The following MTRF1 variants were observed in gnomAD, a reference collection of about 807,000 sequenced individuals.
The protein encoded by MTRF1 is peptide chain release factor 1, mitochondrial.
MTRF1 carries 51 observed loss-of-function variants against 62.9 expected under a neutral mutation model. The observed-to-expected ratio is 0.81, with a 90% CI of 0.65 to 1.02. The LOEUF (loss-of-function observed/expected upper bound fraction) is 1.02, where lower values mean the gene tolerates loss of function less well. Among genes scored for constraint, MTRF1 ranks in the 50% least tolerant of loss-of-function variants. The probability of loss-of-function intolerance (pLI) is 0.00; values close to 1 mark genes in which losing one functional copy is unlikely to be tolerated. For missense variants in MTRF1, 446 were observed against 530.0 expected (o/e 0.84, Z 1.56); for synonymous variants, 158 against 181.9 (o/e 0.87, Z 1.06).
intron 2 of MTRF1, among the ~76,000 whole-genome samples, chr13:41,256,395 C>T (rs1415419295): frequency 1.3e-5 from 2 of 150,362 alleles, no homozygotes; most frequent in African/African-American, 4.9e-5. Context: ...GGTGTGATCT[C>T]GACTCATTGC....
At chr13:41,260,977 A>C in intron 1 of MTRF1, 62 bp from the exon 2 acceptor site, 2 of 1,383,856 alleles carry the variant, frequency 1.4e-6, no homozygotes, top group Non-Finnish European at 9.7e-7. Context: ...TGCATAATAA[A>C]CCTGGAAGGA....
upstream of MTRF1, chr13:41,263,658 T>A (rs1594096561): frequency 5.9e-6 from 1 of 168,936 alleles, no homozygotes; most frequent in Non-Finnish European, 1.3e-5. Flanking sequence ...GGAGGAGTTG[T>A]CCTCGAGCAT....
intron 9 of MTRF1, among the ~76,000 whole-genome samples, chr13:41,218,276 A>G (rs936515823): frequency 1.4e-5 from 2 of 140,908 alleles, no homozygotes; most frequent in South Asian, 2.2e-4. Context: ...CTACACACCC[A>G]GCTAATTTTT....
the MTRF1 span, among the ~76,000 whole-genome samples, chr13:41,308,059 TC>T: frequency 6.6e-6 from 1 of 152,196 alleles, no homozygotes; most frequent in African/African-American, 2.4e-5. Flanking sequence ...TGGCAGTGGG[TC>T]GGAGGCTGCA....
intron 6 of MTRF1, among the ~76,000 whole-genome samples, chr13:41,237,330 A>G (rs2036810904): frequency 6.6e-6 from 1 of 151,912 alleles, no homozygotes; most frequent in East Asian, 1.9e-4. Flanking sequence ...TTTTTTAACC[A>G]TGTAAATGTT....
the MTRF1 span, among the ~76,000 whole-genome samples, chr13:41,269,718 A>G: frequency 6.6e-6 from 1 of 152,122 alleles, no homozygotes; most frequent in African/African-American, 2.4e-5. Context: ...TTACCTAATT[A>G]TTTTATTTTA....
chr13:41,228,447 T>TC (rs1197280166), intron 7 of MTRF1, among the ~76,000 whole-genome samples: 2 of 151,988 alleles, frequency 1.3e-5, no homozygotes, highest in Non-Finnish European at 2.9e-5. Context: ...GCACCTATAG[T>TC]CCCAGCTACT....
chr13:41,252,005 G>C lies in MTRF1; in HGVS notation c.697+640C>G, dbSNP rs577920164. On this transcript the variant is annotated intron_variant, in intron 5 of 9. Transcript: ENST00000379480. ...AGCGATTCTCCTGCCTCAGCCTCTC[G>C]AGTATTTGGGACTACAGGCACGTGC... Among the ~76,000 whole-genome samples the C allele has an allele frequency of 5.3e-5, 8 of 151,806 alleles. No individual in the cohort carries two copies. The South Asian group carries it at 1.5e-3, about 28-fold the overall frequency.
Position 41,217,189 on chromosome 13 carries a change from G to T in MTRF1, c.1264C>A (p.Gln422Lys), listed in dbSNP as rs1247883412. The T allele has an allele frequency of 3.1e-6, 5 of 1,609,534 alleles. No homozygotes were observed. The highest frequency in any genetic ancestry group is 4.2e-6 in the Non-Finnish European group (5 of 1,177,386). The change falls in exon 10 of 10, where the codon CAG becomes AAG. Residue 422 changes from glutamine to lysine, a missense_variant. Gln to Lys is a moderately conservative substitution (Grantham distance 53). Coordinates refer to ENST00000379480, the MANE Select transcript of MTRF1 (RefSeq NM_004294.4). ...TCATCTGCTGATTGAAGCAGTCTCT[G>T]AATTAGCTGATCCAGGCCCTTCCCA... is the stretch of plus-strand genomic sequence containing the variant. ...CGGKGLDQLIQRLLQSADEEA... is the reference protein window; with the variant it reads ...CGGKGLDQLIKRLLQSADEEA...
At chr13:41,280,952 G>A in the MTRF1 span, among the ~76,000 whole-genome samples, 1 of 152,176 alleles carries the variant, frequency 6.6e-6, no homozygotes, top group African/African-American at 2.4e-5. Flanking sequence ...GCATCAGGTA[G>A]CGGAGAAAAA....
Position 41,233,938 on chromosome 13 carries a change from GC to G in MTRF1, c.939del (p.Gln313HisfsTer19), listed in dbSNP as rs771747786. 1.2e-6 allele frequency: 2 copies of G among 1,614,000 alleles called. No homozygotes were observed. The highest frequency in any genetic ancestry group is 3.3e-5 in the Admixed American group (2 of 59,988). ...ACGGCACTATCAGTTTTATTAACAT[GC>G]TGCCCTCCTGCTCCTTTGGCTCGAA... Reference protein sequence around the residue: ...DTFRAKGAGGQHVNKTDSAVR... With the variant: ...DTFRAKGAGGXHVNKTDSAVR... On this transcript the variant is annotated frameshift_variant, in exon 7 of 10. Coordinates refer to ENST00000379480, the MANE Select transcript of MTRF1 (RefSeq NM_004294.4). LOFTEE classifies it high-confidence loss of function.
chr13:41,237,756 T>A (rs931702532), intron 6 of MTRF1, among the ~76,000 whole-genome samples: 34 of 152,164 alleles, frequency 2.2e-4, no homozygotes, highest in Admixed American at 1.6e-3. Flanking sequence ...TGCTTTGGCC[T>A]CCCAAAGTGC....
At position 41,263,481 on chromosome 13, in the gene MTRF1, G is replaced by C. The variant is rs142958258; in HGVS notation, c.-9+4C>G. 1 of 312,474 alleles carries C rather than the reference G, an allele frequency of 3.2e-6. No homozygotes were observed. The highest frequency in any genetic ancestry group is 2.2e-5 in the African/African-American group (1 of 45,812). 19.4% of individuals were successfully genotyped at this position (312,474 alleles called of 1,614,324 possible). A position where few individuals can be genotyped will look rare whatever the true frequency, so the allele number is the denominator to read the frequency against. ...GGGGAAGATCAGGAAAGAACTGTGA[G>C]TACCTAAGAAAAAGAAGAATACACG... is the stretch of plus-strand genomic sequence containing the variant. On this transcript the variant is annotated splice_donor_region_variant and intron_variant, in intron 1 of 9. Coordinates refer to ENST00000379480, the MANE Select transcript of MTRF1 (RefSeq NM_004294.4).
the MTRF1 span, among the ~76,000 whole-genome samples, chr13:41,302,387 A>T: frequency 9.2e-5 from 13 of 140,728 alleles, no homozygotes; most frequent in Non-Finnish European, 1.4e-4. Flanking sequence ...AAGGTGGGAG[A>T]AGTGGCAGAG....
intron 1 of MTRF1, chr13:41,263,230 A>G: frequency 7.8e-7 from 1 of 1,278,678 alleles, no homozygotes; most frequent in Middle Eastern, 2.1e-4. Context: ...AACATTAAGG[A>G]AAACAAAACA....
At position 41,240,280 on chromosome 13, in the gene MTRF1, A is replaced by T; in HGVS notation, c.851T>A (p.Val284Asp). ...GGTTACCTCATCTGGCTGAGGAAGG[A>T]CAATAACCGACATCGTTCCTGTGTG... ...RIHTGTMSVIVLPQPDEVDVK... is the reference protein window; with the variant it reads ...RIHTGTMSVIDLPQPDEVDVK... Residue 284 changes from valine to aspartate, a missense_variant, in exon 6 of 10, where the codon GTC becomes GAC. Physicochemically the swap from Val to Asp is radical, Grantham distance 152 (BLOSUM62 -3). Coordinates refer to ENST00000379480, the MANE Select transcript of MTRF1 (RefSeq NM_004294.4). 1.9e-6 allele frequency: 3 copies of T among 1,609,280 alleles called. No homozygotes were observed. The highest frequency in any genetic ancestry group is 2.5e-6 in the Non-Finnish European group (3 of 1,177,744).
At chr13:41,220,277 TCCA>T (rs891393878) in intron 9 of MTRF1, among the ~76,000 whole-genome samples, 1 of 133,078 alleles carries the variant, frequency 7.5e-6, no homozygotes, top group Non-Finnish European at 1.5e-5. Context: ...CTGCAGAGAT[TCCA>T]CCACTGCACT....
In MTRF1 at chr13:41,233,897, G is replaced by T; in HGVS notation, c.981C>A (p.Ile327=). The part of the protein sequence containing the change: ...KTDSAVRLVH[I]PTGLVVECQQ... The stretch of plus-strand genomic sequence containing the variant: ...GCCAAGGGGCTTGCTTACCTGTGGG[G>T]ATGTGGACAAGTCTGACGGCACTAT... Residue 327 remains isoleucine (I), a synonymous_variant, in exon 7 of 10, where the codon ATC becomes ATA. Coordinates refer to ENST00000379480, the MANE Select transcript of MTRF1 (RefSeq NM_004294.4). The T allele has an allele frequency of 6.2e-7, 1 of 1,611,700 alleles. No individual in the cohort carries two copies. Among genetic ancestry groups the T allele is most frequent in the Non-Finnish European group, 8.5e-7 (1 of 1,177,732 alleles).
intron 2 of MTRF1, among the ~76,000 whole-genome samples, chr13:41,257,973 G>C (rs966247328): frequency 2.0e-5 from 3 of 152,176 alleles, no homozygotes; most frequent in Non-Finnish European, 2.9e-5. Flanking sequence ...AGAGGTAGTA[G>C]AGCCTTTAGA....
Sources: allele counts gnomAD v4.1 joint callset (sites outside exome capture counted in the v4.1 genomes callset), GRCh38; gene constraint gnomAD v4.1.1; transcripts MANE v1.5; gene names NCBI Gene and HGNC (gene_info 2026-07-23, HGNC 2026-07-21).